The following KSR2 variants were observed in gnomAD, a reference collection of about 807,000 sequenced individuals.
KSR2 encodes the protein kinase suppressor of ras 2.
KSR2 carries 25 observed loss-of-function variants against 107.8 expected under a neutral mutation model. The ratio of observed to expected loss-of-function variants is 0.23; its 90% CI spans 0.17 to 0.32. The LOEUF (loss-of-function observed/expected upper bound fraction) is 0.32. KSR2 is among the 10% of genes least tolerant of loss of function. The pLI, the probability that KSR2 is intolerant of heterozygous loss-of-function variation, is 1.00. For synonymous variants in KSR2, 480 were observed against 507.0 expected (o/e 0.95, Z 0.71); for missense variants, 887 against 1,268.9 (o/e 0.70, Z 4.57).
intron 5 of KSR2, among the ~76,000 whole-genome samples, chr12:117,661,639 G>C (rs1049646586): frequency 6.6e-6 from 1 of 152,168 alleles, no homozygotes; most frequent in Non-Finnish European, 1.5e-5. Context: ...GAACTCCCTG[G>C]AGAGCTTGTG....
In KSR2 at chr12:117,567,701, C is replaced by A. The variant is rs554026871; in HGVS notation, c.1326-9128G>T. ...AAATCACGAAACCGAATCCTTGCCCCCTTTGCAGCAGGGCTTGGTTCACTG... is the reference window on the plus strand; with the variant it reads ...AAATCACGAAACCGAATCCTTGCCCACTTTGCAGCAGGGCTTGGTTCACTG... On this transcript the variant is annotated intron_variant, in intron 7 of 19. Coordinates refer to ENST00000339824, the MANE Select transcript of KSR2 (RefSeq NM_173598.6). Among the ~76,000 whole-genome samples, 6 of 152,182 alleles carry A rather than the reference C, an allele frequency of 3.9e-5. No individual in the cohort carries two copies. In the East Asian group the frequency reaches 5.8e-4, roughly 15 times the overall value.
intron 4 of KSR2, among the ~76,000 whole-genome samples, chr12:117,697,479 A>G (rs1379045662): frequency 6.6e-6 from 1 of 152,224 alleles, no homozygotes; most frequent in African/African-American, 2.4e-5. Flanking sequence ...GCTGTGGCCC[A>G]TGCCTGTAAC....
chr12:117,484,386 A>T (rs369482495), intron 16 of KSR2, 30 bp downstream of exon 16: 3 of 1,611,736 alleles, frequency 1.9e-6, no homozygotes, highest in Non-Finnish European at 1.7e-6. Context: ...TCTGTCAGGA[A>T]ACTCTCCGGG....
At chr12:117,584,054 C>T (rs1448852331) in intron 5 of KSR2, among the ~76,000 whole-genome samples, 1 of 152,166 alleles carries the variant, frequency 6.6e-6, no homozygotes, top group East Asian at 1.9e-4. Flanking sequence ...TTCCAGAAAT[C>T]CCAATTCTGC....
intron 3 of KSR2, among the ~76,000 whole-genome samples, chr12:117,847,013 C>T (rs1024529782): frequency 2.6e-4 from 40 of 152,246 alleles, no homozygotes; most frequent in Non-Finnish European, 1.5e-4. Context: ...AGGTTTCTGC[C>T]GCTCGTAAGC....
At chr12:117,863,941 C>G (rs1184453339) in intron 1 of KSR2, among the ~76,000 whole-genome samples, 1 of 152,176 alleles carries the variant, frequency 6.6e-6, no homozygotes, top group African/African-American at 2.4e-5. Flanking sequence ...ATCTGGGGCC[C>G]ACCCAGACAA....
At chr12:117,916,415 G>A (rs2137445065) in intron 1 of KSR2, among the ~76,000 whole-genome samples, 1 of 152,248 alleles carries the variant, frequency 6.6e-6, no homozygotes, top group African/African-American at 2.4e-5. Flanking sequence ...GGGAATACAG[G>A]CATGAGCCAC....
chr12:117,955,056 A>C (rs1298760339), intron 1 of KSR2, among the ~76,000 whole-genome samples: 2 of 151,942 alleles, frequency 1.3e-5, no homozygotes, highest in African/African-American at 2.4e-5. Context: ...CAGGCACTCG[A>C]ATCTACTCAG....
rs1351813157 is a variant in KSR2, at chr12:117,546,668, C to G, written c.1519-6781G>C. ...TGATACTCTGCTCAGGCCATTTTCT[C>G]TCTGTTATCCAGACTGTGTAATTTC... On this transcript the variant is annotated intron_variant, in intron 9 of 19. Coordinates refer to ENST00000339824, the MANE Select transcript of KSR2 (RefSeq NM_173598.6). 7.2e-5 allele frequency among the ~76,000 whole-genome samples: 11 copies of G among 152,314 alleles called. 1 individual carries two copies. Among genetic ancestry groups the G allele is most frequent in the Non-Finnish European group, 2.9e-5 (2 of 68,022 alleles).
At chr12:117,518,398 T>C (rs1006291146) in intron 14 of KSR2, among the ~76,000 whole-genome samples, 1 of 152,188 alleles carries the variant, frequency 6.6e-6, no homozygotes, top group African/African-American at 2.4e-5. Context: ...AGGATCCTGA[T>C]GAAATTCACT....
At chr12:117,791,492 T>G (rs1384759897) in intron 3 of KSR2, among the ~76,000 whole-genome samples, 1 of 152,178 alleles carries the variant, frequency 6.6e-6, no homozygotes, top group African/African-American at 2.4e-5. Context: ...TACATTATAA[T>G]GGATCCTCGA....
intron 1 of KSR2, among the ~76,000 whole-genome samples, chr12:117,919,448 G>A (rs969182925): frequency 7.9e-5 from 12 of 152,130 alleles, no homozygotes; most frequent in Non-Finnish European, 1.6e-4. Flanking sequence ...AACACAACCC[G>A]GCAGAATGTG....
At chr12:117,783,543 C>A (rs1889957055) in intron 3 of KSR2, among the ~76,000 whole-genome samples, 1 of 152,142 alleles carries the variant, frequency 6.6e-6, no homozygotes, top group Non-Finnish European at 1.5e-5. Flanking sequence ...GCAAGCCCAC[C>A]AAAGCCTATC....
intron 3 of KSR2, among the ~76,000 whole-genome samples, chr12:117,853,646 A>G (rs1593306979): frequency 6.6e-6 from 1 of 151,136 alleles, no homozygotes; most frequent in Admixed American, 6.6e-5. Context: ...CTAGCCTGCA[A>G]TTTTTTTTTA....
At chr12:117,486,845 A>C (rs940052119) in intron 14 of KSR2, among the ~76,000 whole-genome samples, 8 of 152,200 alleles carry the variant, frequency 5.3e-5, no homozygotes, top group Non-Finnish European at 8.8e-5. Context: ...CCTGTAGTTG[A>C]ATACGAGGAT....
chr12:117,817,616 T>G (rs775452133), intron 3 of KSR2, among the ~76,000 whole-genome samples: 1 of 152,108 alleles, frequency 6.6e-6, no homozygotes, highest in African/African-American at 2.4e-5. Flanking sequence ...TTATATATAC[T>G]AATAATATAA....
chr12:117,829,818 C>CTGGATTAGATTATTCA (rs1891892217), intron 3 of KSR2, among the ~76,000 whole-genome samples: 2 of 152,372 alleles, frequency 1.3e-5, no homozygotes, highest in African/African-American at 2.4e-5. Context: ...CACTCTAGTT[C>CTGGATTAGATTATTCA]ACTGGCTCCT....
At chr12:117,560,787 A>G (rs1308599521) in intron 7 of KSR2, among the ~76,000 whole-genome samples, 5 of 152,044 alleles carry the variant, frequency 3.3e-5, no homozygotes, top group Admixed American at 6.6e-5. Context: ...TTCTCACTCT[A>G]TTAGAGACCC....
chr12:117,728,215 T>G (rs558159816), intron 4 of KSR2, among the ~76,000 whole-genome samples: 1 of 152,306 alleles, frequency 6.6e-6, no homozygotes, highest in African/African-American at 2.4e-5. Flanking sequence ...CCTCAGCTTT[T>G]TAAGTGGTAA....
Sources: allele counts gnomAD v4.1 joint callset (sites outside exome capture counted in the v4.1 genomes callset), GRCh38; gene constraint gnomAD v4.1.1; transcripts MANE v1.5; gene names NCBI Gene and HGNC (gene_info 2026-07-23, HGNC 2026-07-21).